SLAIN1: variants seen among roughly 807,000 people sequenced by gnomAD.
SLAIN1 encodes SLAIN motif-containing protein 1.
Under a neutral mutation model 55.4 loss-of-function variants are expected in SLAIN1, and 17 were observed. The observed-to-expected ratio is 0.31, with a 90% CI of 0.21 to 0.46. The LOEUF (loss-of-function observed/expected upper bound fraction) is 0.46. SLAIN1 is among the 20% of genes least tolerant of loss of function. The probability of loss-of-function intolerance (pLI) is 1.00; values close to 1 mark genes in which losing one functional copy is unlikely to be tolerated. For synonymous variants in SLAIN1, 348 were observed against 337.4 expected, an observed-to-expected ratio of 1.03 and a Z score of -0.35; for missense variants, 682 against 785.1, an observed-to-expected ratio of 0.87 and a Z score of 1.57.
intron 4 of SLAIN1, among the ~76,000 whole-genome samples, chr13:77,748,246 A>G (rs1404537732): frequency 3.9e-5 from 6 of 152,108 alleles, no homozygotes; most frequent in African/African-American, 1.4e-4. Context: ...CTACCTTGAG[A>G]TTTCAAGTTT....
At chr13:77,699,241 A>AT in intron 1 of SLAIN1, 1 of 369,580 alleles carries the variant, frequency 2.7e-6, no homozygotes, top group East Asian at 4.1e-5. Context: ...GGACTTTTTT[A>AT]TTTATTTATT....
intron 2 of SLAIN1, 117 bp downstream of exon 2, chr13:77,719,788 T>G: frequency 1.1e-5 from 12 of 1,064,356 alleles, no homozygotes; most frequent in South Asian, 1.7e-5. Context: ...GGTGCAGCTG[T>G]TGCATGCAAT....
chr13:77,720,547 A>G (rs954054845), intron 2 of SLAIN1, among the ~76,000 whole-genome samples: 1 of 152,220 alleles, frequency 6.6e-6, no homozygotes, highest in African/African-American at 2.4e-5. Context: ...TGGACATAAG[A>G]CAAAGCATTA....
intron 2 of SLAIN1, among the ~76,000 whole-genome samples, chr13:77,723,513 T>C (rs1019641728): frequency 6.6e-6 from 1 of 152,194 alleles, no homozygotes; most frequent in Admixed American, 6.5e-5. Context: ...TTCACTCTTA[T>C]GCAGGATTGT....
chr13:77,727,095 A>C lies in SLAIN1; in HGVS notation c.766+7424A>C, dbSNP rs183754159. Among the ~76,000 whole-genome samples, 307 of 152,312 alleles carry C rather than the reference A, an allele frequency of 2.0e-3. 1 individual carries two copies. Among genetic ancestry groups the C allele is most frequent in the African/African-American group, 7.2e-3 (298 of 41,558 alleles). ...TATAAAGTTAACTAATAAAGCCTAGAATAGAATAATCTTTCTCTTTTTTCC... is the reference window on the plus strand; with the variant it reads ...TATAAAGTTAACTAATAAAGCCTAGCATAGAATAATCTTTCTCTTTTTTCC... On this transcript the variant is annotated intron_variant, in intron 2 of 6. Coordinates refer to ENST00000418532, the MANE Select transcript of SLAIN1 (RefSeq NM_001242868.2).
chr13:77,735,137 G>A (rs1873056982), intron 2 of SLAIN1, among the ~76,000 whole-genome samples: 1 of 151,872 alleles, frequency 6.6e-6, no homozygotes, highest in Non-Finnish European at 1.5e-5. Context: ...CTTGCTGCAG[G>A]CTTTCATCCT....
At chr13:77,717,410 G>C (rs1367578629) in intron 1 of SLAIN1, among the ~76,000 whole-genome samples, 1 of 152,032 alleles carries the variant, frequency 6.6e-6, no homozygotes, top group Non-Finnish European at 1.5e-5. Context: ...TTAAATACTT[G>C]GTAGAGTTTA....
Position 77,744,358 on chromosome 13 carries a change from A to T in SLAIN1, c.842A>T (p.Asp281Val). The change falls in exon 3 of 7, where the codon GAT becomes GTT. Residue 281 changes from aspartate (D) to valine (V), a missense_variant. Around this residue, in one of 3 missense-constraint regions of SLAIN1, gnomAD observed 401 missense variants for 417.3 expected, o/e 0.96. Coordinates refer to ENST00000418532, the MANE Select transcript of SLAIN1 (RefSeq NM_001242868.2). ...GAGCTGAGTACTTCAGAATTGGAGG[A>T]TGATTCTATCTCCATGGGATATAAA... Reference protein sequence around the residue: ...DSELSTSELEDDSISMGYKLQ... With the variant: ...DSELSTSELEVDSISMGYKLQ... The T allele has an allele frequency of 6.2e-7, 1 of 1,612,916 alleles. No individual in the cohort carries two copies. The highest frequency in any genetic ancestry group is 2.2e-5 in the East Asian group (1 of 44,852).
chr13:77,742,808 A>C (rs79128388), intron 2 of SLAIN1: 9,132 of 162,166 alleles, frequency 0.056, 339 homozygotes, highest in South Asian at 0.11. Context: ...TTTACTTTTT[A>C]AAAATGGATG....
At chr13:77,721,991 G>A (rs902507141) in intron 2 of SLAIN1, among the ~76,000 whole-genome samples, 1 of 138,300 alleles carries the variant, frequency 7.2e-6, no homozygotes, top group Non-Finnish European at 1.5e-5. Flanking sequence ...TACATATAAG[G>A]TTAGGTTTTT....
chr13:77,698,417 C>T lies in SLAIN1; in HGVS notation c.504C>T (p.Gly168=), dbSNP rs1052930435. 65 of 1,393,240 alleles carry T rather than the reference C, an allele frequency of 4.7e-5. 1 individual carries two copies. The highest frequency in any genetic ancestry group is 4.5e-4 in the Admixed American group (14 of 31,454). 86.3% of individuals were successfully genotyped at this position (1,393,240 alleles called of 1,614,324 possible). A position where few individuals can be genotyped will look rare whatever the true frequency, so the allele number is the denominator to read the frequency against. The stretch of plus-strand genomic sequence containing the variant: ...GCGGTGGCGGGCCGGAGCCGGGGGG[C>T]GCGGGGACGCCGCCAGGGGCAGCTG... ...GAGGGGPEPG[G]AGTPPGAAAA... The change falls in exon 1 of 7, where the codon GGC becomes GGT. Residue 168 remains glycine, a synonymous_variant. Transcript: ENST00000418532. This position sits in a 1 kb window ranked among gnomAD's most constrained non-coding sequence, Gnocchi z 4.1.
intron 2 of SLAIN1, among the ~76,000 whole-genome samples, chr13:77,722,408 A>G (rs994646286): frequency 4.7e-5 from 7 of 147,698 alleles, no homozygotes; most frequent in Non-Finnish European, 8.9e-5. Context: ...TAGTCTTACA[A>G]CTGTTATAAG....
At chr13:77,743,283 G>C (rs1483334253) in intron 2 of SLAIN1, 6 of 798,250 alleles carry the variant, frequency 7.5e-6, no homozygotes, top group Non-Finnish European at 1.0e-5. Flanking sequence ...GAGAGTTTGT[G>C]CTGCACACTT....
intron 1 of SLAIN1, among the ~76,000 whole-genome samples, chr13:77,710,291 A>T (rs547983078): frequency 6.6e-6 from 1 of 152,308 alleles, no homozygotes; most frequent in East Asian, 1.9e-4. Flanking sequence ...GGCAAATTGT[A>T]TAAAGAGTCA....
chr13:77,737,572 C>T (rs536526013), intron 2 of SLAIN1, among the ~76,000 whole-genome samples: 5 of 152,196 alleles, frequency 3.3e-5, no homozygotes, highest in African/African-American at 9.6e-5. Flanking sequence ...TTAGTCCAAA[C>T]GTTTGCCATT....
intron 4 of SLAIN1, among the ~76,000 whole-genome samples, chr13:77,747,832 A>G (rs558663772): frequency 2.0e-5 from 3 of 152,220 alleles, no homozygotes; most frequent in Admixed American, 2.0e-4. Context: ...TTCATCATTT[A>G]TCTTTCTTCC....
At chr13:77,712,295 G>C (rs887890710) in intron 1 of SLAIN1, among the ~76,000 whole-genome samples, 1 of 152,166 alleles carries the variant, frequency 6.6e-6, no homozygotes, top group Non-Finnish European at 1.5e-5. Flanking sequence ...GTTTGCAGAT[G>C]ACATGATTGT....
At chr13:77,744,485 G>A in intron 3 of SLAIN1, 53 bp downstream of exon 3, 1 of 1,601,538 alleles carries the variant, frequency 6.2e-7, no homozygotes, top group Non-Finnish European at 8.5e-7. Flanking sequence ...GAATATACAG[G>A]CAGAGGGGGA....
rs940413805 is a variant in SLAIN1, at chr13:77,744,360, G to C, written c.844G>C (p.Asp282His). The C allele has an allele frequency of 1.2e-6, 2 of 1,612,894 alleles. No homozygotes were observed. The highest frequency in any genetic ancestry group is 2.2e-5 in the South Asian group (2 of 91,058). ...SELSTSELED[D>H]SISMGYKLQD... ...GCTGAGTACTTCAGAATTGGAGGAT[G>C]ATTCTATCTCCATGGGATATAAATT... The change falls in exon 3 of 7, where the codon GAT becomes CAT. Residue 282 changes from aspartate (D) to histidine (H), a missense_variant. Physicochemically the swap from Asp to His is moderately conservative, Grantham distance 81 (BLOSUM62 -1). Coordinates refer to ENST00000418532, the MANE Select transcript of SLAIN1 (RefSeq NM_001242868.2).
Sources: gnomAD v4.1 joint callset for allele counts (sites outside exome capture counted in the v4.1 genomes callset) on GRCh38, gnomAD v4.1.1 for gene constraint, gnomAD v4.1.1 regional missense constraint, Gnocchi (gnomAD v3.1) non-coding constraint, MANE v1.5 for transcripts, NCBI Gene and HGNC (gene_info 2026-07-23, HGNC 2026-07-21) for gene names.